Variants in NUMB observed in about 807,000 individuals in gnomAD.
NUMB encodes the protein NUMB endocytic adaptor protein.
A neutral mutation model predicts 59.7 loss-of-function variants in NUMB; 29 were observed. The observed-to-expected ratio is 0.49, with a 90% confidence interval of 0.36 to 0.66. The LOEUF (loss-of-function observed/expected upper bound fraction) is 0.66, where lower values mean the gene tolerates loss of function less well. Among genes scored for constraint, NUMB ranks in the 30% least tolerant of loss-of-function variants. The probability of loss-of-function intolerance (pLI) is 0.00; values close to 1 mark genes in which losing one functional copy is unlikely to be tolerated. For synonymous variants in NUMB, 288 were observed against 288.2 expected (o/e 1.00, Z 0.01); for missense variants, 723 against 822.0 (o/e 0.88, Z 1.47).
intron 1 of NUMB, among the ~76,000 whole-genome samples, chr14:73,424,488 T>C: frequency 6.6e-6 from 1 of 152,150 alleles, no homozygotes; most frequent in East Asian, 1.9e-4. Context: ...ATCCTCTCAG[T>C]GCCATGATTC....
chr14:73,382,085 A>G (rs1475415655), intron 2 of NUMB, among the ~76,000 whole-genome samples: 1 of 152,222 alleles, frequency 6.6e-6, no homozygotes, highest in African/African-American at 2.4e-5. Context: ...GACATGCTAT[A>G]TTGCTTTTGC....
chr14:73,374,169 C>T (rs766402141), intron 2 of NUMB, among the ~76,000 whole-genome samples: 6 of 152,102 alleles, frequency 3.9e-5, no homozygotes, highest in African/African-American at 1.2e-4. Flanking sequence ...CACGCCCAGC[C>T]GCTCAGCTAA....
chr14:73,433,741 A>G (rs1897932151), intron 1 of NUMB, among the ~76,000 whole-genome samples: 1 of 152,162 alleles, frequency 6.6e-6, no homozygotes, highest in Non-Finnish European at 1.5e-5. Flanking sequence ...GAAATATATG[A>G]CAGGAGTATA....
chr14:73,365,076 G>A (rs1377889140), intron 3 of NUMB, among the ~76,000 whole-genome samples: 2 of 152,170 alleles, frequency 1.3e-5, no homozygotes, highest in Non-Finnish European at 2.9e-5. Flanking sequence ...ATCTCGCTGT[G>A]TCACCCAGGC....
intron 2 of NUMB, among the ~76,000 whole-genome samples, chr14:73,393,114 A>G (rs181666333): frequency 7.6e-4 from 116 of 152,322 alleles, no homozygotes; most frequent in Admixed American, 2.7e-3. Context: ...GTTGAAAGGA[A>G]TCTATAAATT....
At chr14:73,397,677 C>A (rs964826655) in intron 2 of NUMB, among the ~76,000 whole-genome samples, 8 of 152,140 alleles carry the variant, frequency 5.3e-5, no homozygotes, top group African/African-American at 1.7e-4. Context: ...TATGAGCATT[C>A]TCACTTTTAT....
chr14:73,333,927 C>T (rs61985768), intron 4 of NUMB, among the ~76,000 whole-genome samples: 5,105 of 151,636 alleles, frequency 0.034, 136 homozygotes, highest in Middle Eastern at 0.061. Context: ...TGCAGTGGCG[C>T]GATCTCAGCT....
At chr14:73,361,258 T>G (rs77483764) in intron 3 of NUMB, among the ~76,000 whole-genome samples, 1 of 152,300 alleles carries the variant, frequency 6.6e-6, no homozygotes, top group African/African-American at 2.4e-5. Context: ...CAGCATCCAT[T>G]CAATAAGTTA....
intron 6 of NUMB, among the ~76,000 whole-genome samples, chr14:73,311,443 T>C (rs1890773348): frequency 6.6e-6 from 1 of 152,176 alleles, no homozygotes; most frequent in Non-Finnish European, 1.5e-5. Flanking sequence ...AAGCTTACAA[T>C]GGATTACAGG....
At chr14:73,284,415 C>T (rs375840843) in intron 9 of NUMB, 41 bp from the exon 10 acceptor site, 119 of 1,553,288 alleles carry the variant, frequency 7.7e-5, no homozygotes, top group Non-Finnish European at 1.0e-4. Flanking sequence ...GCAATGTCTT[C>T]AAATAATTTG....
chr14:73,374,443 A>G (rs758099183), intron 2 of NUMB, among the ~76,000 whole-genome samples: 7 of 152,206 alleles, frequency 4.6e-5, no homozygotes, highest in Non-Finnish European at 7.3e-5. Flanking sequence ...CACAGGAAAG[A>G]AAGACATAAA....
At chr14:73,302,405 C>CTTTTT (rs71112726) in intron 6 of NUMB, among the ~76,000 whole-genome samples, 6 of 115,052 alleles carry the variant, frequency 5.2e-5, no homozygotes, top group Admixed American at 9.4e-5. Context: ...TTCCACATTT[C>CTTTTT]TTTTTTTTTT....
Position 73,450,738 on chromosome 14 carries a change from G to A in NUMB, c.-233+7755C>T, listed in dbSNP as rs373379649. On this transcript the variant is annotated intron_variant, in intron 1 of 12. Transcript: ENST00000555238. ...TGATAGGCGGAGGTTGCAGTGAGCC[G>A]AGATCGTGCCACAGCACTCCAGCCT... Among the ~76,000 whole-genome samples the A allele has an allele frequency of 2.2e-4, 33 of 151,000 alleles. No homozygotes were observed. The South Asian group carries it at 6.7e-3, about 31-fold the overall frequency.
intron 1 of NUMB, among the ~76,000 whole-genome samples, chr14:73,449,570 T>C (rs1883784000): frequency 6.6e-6 from 1 of 152,210 alleles, no homozygotes; most frequent in South Asian, 2.1e-4. Flanking sequence ...ATATGATAGA[T>C]AAACAGCCTG....
chr14:73,382,514 CAAG>C (rs1171809094), intron 2 of NUMB, among the ~76,000 whole-genome samples: 4 of 151,522 alleles, frequency 2.6e-5, no homozygotes, highest in Admixed American at 2.0e-4. Context: ...CAGGGCCTGA[CAAG>C]AAGGAGAGGC....
At chr14:73,348,489 A>T (rs1893026979) in intron 4 of NUMB, among the ~76,000 whole-genome samples, 1 of 152,252 alleles carries the variant, frequency 6.6e-6, no homozygotes, top group Admixed American at 6.5e-5. Flanking sequence ...GAGGGCGAGC[A>T]AGCATTACTG....
intron 11 of NUMB, among the ~76,000 whole-genome samples, chr14:73,280,373 T>C (rs796734484): frequency 3.9e-5 from 6 of 152,092 alleles, no homozygotes; most frequent in African/African-American, 1.4e-4. Context: ...TGCTACACAA[T>C]TAATTTCAAC....
intron 1 of NUMB, among the ~76,000 whole-genome samples, chr14:73,443,282 T>C (rs536295003): frequency 1.3e-5 from 2 of 152,014 alleles, no homozygotes; most frequent in East Asian, 3.9e-4. Context: ...TTTCTGAAAA[T>C]GGTATGTTTG....
At chr14:73,318,581 C>A (rs1314282486) in intron 5 of NUMB, among the ~76,000 whole-genome samples, 2 of 152,170 alleles carry the variant, frequency 1.3e-5, no homozygotes, top group Non-Finnish European at 2.9e-5. Context: ...AGGCCTTATA[C>A]ACTTTTTTAT....
Sources: allele counts gnomAD v4.1 joint callset (sites outside exome capture counted in the v4.1 genomes callset), GRCh38; gene constraint gnomAD v4.1.1; transcripts MANE v1.5; gene names NCBI Gene and HGNC (gene_info 2026-07-23, HGNC 2026-07-21).